VPS13B: variants seen among roughly 807,000 people sequenced by gnomAD.
The protein encoded by VPS13B is vacuolar protein sorting 13 homolog B, also known as intermembrane lipid transfer protein VPS13B.
In VPS13B, 285 loss-of-function variants were observed where a neutral mutation model predicts 426.4. The ratio of observed to expected loss-of-function variants is 0.67; its 90% CI spans 0.61 to 0.74. The LOEUF is 0.74. VPS13B is among the 30% of genes least tolerant of loss of function. The probability of loss-of-function intolerance (pLI) is 0.00; values close to 1 mark genes in which losing one functional copy is unlikely to be tolerated. For synonymous variants in VPS13B, 1,676 were observed against 1,676.4 expected, an observed-to-expected ratio of 1.00 and a Z score of 0.01; for missense variants, 4,537 against 4,782.6, an observed-to-expected ratio of 0.95 and a Z score of 1.51.
At chr8:99,292,828 A>C (rs1819809670) in intron 19 of VPS13B, among the ~76,000 whole-genome samples, 1 of 152,162 alleles carries the variant, frequency 6.6e-6, no homozygotes, top group African/African-American at 2.4e-5. Context: ...AACTTTCCTA[A>C]GATACAGACA....
At chr8:99,583,386 A>G (rs897464062) in intron 33 of VPS13B, among the ~76,000 whole-genome samples, 2 of 152,234 alleles carry the variant, frequency 1.3e-5, no homozygotes, top group African/African-American at 4.8e-5. Flanking sequence ...ATAATAGTAT[A>G]GAAAAATGTT....
chr8:99,511,256 T>G lies in VPS13B; in HGVS notation c.4377T>G (p.Gly1459=). 6.2e-7 allele frequency: 1 copy of G among 1,614,128 alleles called. No homozygotes were observed. Among genetic ancestry groups the G allele is most frequent in the East Asian group, 2.2e-5 (1 of 44,860 alleles). The change falls in exon 29 of 62, where the codon GGT becomes GGG. Residue 1459 remains glycine (G), a synonymous_variant. Coordinates refer to ENST00000357162, the MANE Select transcript of VPS13B (RefSeq NM_152564.5). ...AGTTATCTGAAGGCCTAATGGATGG[T>G]TCTCCTCATTTTCTTCATGAAATTC... ...FHKLSEGLMD[G]SPHFLHEILL...
intron 49 of VPS13B, 79 bp downstream of exon 49, chr8:99,820,201 T>C (rs1472424232): frequency 1.7e-5 from 23 of 1,370,884 alleles, no homozygotes; most frequent in Non-Finnish European, 2.3e-5. Context: ...TTTATGATCT[T>C]AACAGAATGA....
chr8:99,673,262 C>A (rs982286960), intron 35 of VPS13B, among the ~76,000 whole-genome samples: 1 of 151,976 alleles, frequency 6.6e-6, no homozygotes, highest in African/African-American at 2.4e-5. Flanking sequence ...GGACCCTGGG[C>A]ATTTTTTTGA....
intron 29 of VPS13B, among the ~76,000 whole-genome samples, chr8:99,516,155 T>G (rs561128682): frequency 3.3e-5 from 5 of 152,352 alleles, no homozygotes; most frequent in Non-Finnish European, 7.3e-5. Context: ...TTTTATACTT[T>G]ATCTTTCTTC....
chr8:99,131,163 TG>T (rs1254765407), intron 8 of VPS13B, among the ~76,000 whole-genome samples: 1 of 152,216 alleles, frequency 6.6e-6, no homozygotes, highest in Non-Finnish European at 1.5e-5. Context: ...ACAGACAGGT[TG>T]CAAAGATAGT....
intron 55 of VPS13B, among the ~76,000 whole-genome samples, chr8:99,852,985 C>T (rs535411653): frequency 3.0e-4 from 46 of 152,142 alleles, no homozygotes; most frequent in Admixed American, 5.9e-4. Context: ...AGGGTGGTTC[C>T]GCCCCAGAAA....
chr8:99,632,747 T>TAAGGTATTG (rs1463536067), intron 33 of VPS13B, among the ~76,000 whole-genome samples: 1 of 152,048 alleles, frequency 6.6e-6, no homozygotes, highest in Non-Finnish European at 1.5e-5. Context: ...CATTACTTTT[T>TAAGGTATTG]AAGGTATTGA....
intron 30 of VPS13B, among the ~76,000 whole-genome samples, chr8:99,535,565 G>A (rs1823162122): frequency 1.3e-5 from 2 of 151,992 alleles, no homozygotes; most frequent in Non-Finnish European, 2.9e-5. Context: ...TCCTAAAAAT[G>A]GGTAAAAAGT....
intron 39 of VPS13B, among the ~76,000 whole-genome samples, chr8:99,760,288 C>T (rs1461560185): frequency 1.3e-5 from 2 of 152,126 alleles, no homozygotes; most frequent in Non-Finnish European, 2.9e-5. Flanking sequence ...CGGCCACTTG[C>T]CTCTTTTTAT....
intron 1 of VPS13B, 84 bp downstream of exon 1, chr8:99,013,431 G>A (rs1841427075): frequency 2.8e-6 from 1 of 353,972 alleles, no homozygotes; most frequent in African/African-American, 2.1e-5. Flanking sequence ...GATCCGGCTG[G>A]GTTCCGGGAA....
chr8:99,784,530 C>A, intron 43 of VPS13B, 54 bp downstream of exon 43: 1 of 1,606,568 alleles, frequency 6.2e-7, no homozygotes, highest in African/African-American at 1.3e-5. Flanking sequence ...GGATTCATTT[C>A]TTCTGCACTT....
At position 99,778,890 on chromosome 8, in the gene VPS13B, C is replaced by G. The variant is rs780752470; in HGVS notation, c.7638C>G (p.Phe2546Leu). ...CTATGCAAAGTGTGGTGAAACCCTT[C>G]AGCATCTTCGGGCAGATGGCAGTTT... Reference protein sequence around the residue: ...NVTMQSVVKPFSIFGQMAVSS... With the variant: ...NVTMQSVVKPLSIFGQMAVSS... Residue 2546 changes from phenylalanine (F) to leucine (L), a missense_variant, in exon 42 of 62, where the codon TTC becomes TTG. By Grantham distance (22) the Phe-to-Leu change is conservative. Transcript: ENST00000357162. 1 of 1,614,008 alleles carries G rather than the reference C, an allele frequency of 6.2e-7. No individual in the cohort carries two copies. Among genetic ancestry groups the G allele is most frequent in the South Asian group, 1.1e-5 (1 of 91,072 alleles).
At chr8:99,734,587 C>T (rs1249833983) in intron 39 of VPS13B, among the ~76,000 whole-genome samples, 1 of 152,114 alleles carries the variant, frequency 6.6e-6, no homozygotes, top group Non-Finnish European at 1.5e-5. Context: ...CTTGCTGAGA[C>T]ACTTGGGCTT....
chr8:99,053,656 C>G (rs1031950127), intron 3 of VPS13B, among the ~76,000 whole-genome samples: 1 of 149,262 alleles, frequency 6.7e-6, no homozygotes, highest in Non-Finnish European at 1.5e-5. Context: ...TGGCATATGA[C>G]AAGGTTCCTT....
chr8:99,666,431 C>G (rs527703311), intron 35 of VPS13B, among the ~76,000 whole-genome samples: 1 of 152,284 alleles, frequency 6.6e-6, no homozygotes, highest in East Asian at 1.9e-4. Context: ...CAAACCGAAT[C>G]CAGCAGCACA....
chr8:99,029,581 G>A (rs1197776352), intron 2 of VPS13B, among the ~76,000 whole-genome samples: 4 of 152,032 alleles, frequency 2.6e-5, no homozygotes, highest in African/African-American at 4.8e-5. Flanking sequence ...AGACCAGCCC[G>A]GCCAACACAG....
rs1188811827 is a variant in VPS13B, at chr8:99,391,706, T to C, written c.3082+2T>C. On this transcript the variant is annotated splice_donor_variant, in intron 21 of 61. Transcript: ENST00000357162. LOFTEE classifies it high-confidence loss of function. Reference sequence around the variant, plus strand: ...CTGTAAAAACAAAAACGGTAACAGGTATGTGTCAAGTACTGTAAAGGGACT... The same window carrying C: ...CTGTAAAAACAAAAACGGTAACAGGCATGTGTCAAGTACTGTAAAGGGACT... The C allele has an allele frequency of 1.2e-6, 2 of 1,613,788 alleles. No individual in the cohort carries two copies. Among genetic ancestry groups the C allele is most frequent in the Admixed American group, 3.3e-5 (2 of 59,982 alleles).
At position 99,025,822 on chromosome 8, in the gene VPS13B, A is replaced by G. The variant is rs570002114; in HGVS notation, c.147+11887A>G. On this transcript the variant is annotated intron_variant, in intron 2 of 61. Coordinates refer to ENST00000357162, the MANE Select transcript of VPS13B (RefSeq NM_152564.5). ...GTCCGGGAATTTATTTGTGTTCTCT[A>G]GGTATACTAATTTATTGGTGAATAC... Among the ~76,000 whole-genome samples the G allele has an allele frequency of 2.1e-4, 32 of 152,244 alleles. 1 individual carries two copies. Among genetic ancestry groups the G allele is most frequent in the African/African-American group, 7.7e-4 (32 of 41,556 alleles).
Sources: gnomAD v4.1 joint callset for allele counts (sites outside exome capture counted in the v4.1 genomes callset) on GRCh38, gnomAD v4.1.1 for gene constraint, MANE v1.5 for transcripts, NCBI Gene and HGNC (gene_info 2026-07-23, HGNC 2026-07-21) for gene names.